Variants in VWA5B1 observed in about 807,000 individuals in gnomAD.
VWA5B1 encodes von Willebrand factor A domain containing 5B1, also known as von Willebrand factor A domain-containing protein 5B1.
A neutral mutation model predicts 118.2 loss-of-function variants in VWA5B1; 115 were observed. The ratio of observed to expected loss-of-function variants is 0.97; its 90% CI spans 0.84 to 1.14. The LOEUF (loss-of-function observed/expected upper bound fraction) is 1.14. Ranked by LOEUF, VWA5B1 falls within the 50% of genes most tolerant of loss-of-function variation. The probability of loss-of-function intolerance (pLI) is 0.00; values close to 1 mark genes in which losing one functional copy is unlikely to be tolerated. For missense variants in VWA5B1, 1,596 were observed against 1,603.8 expected (o/e 1.00, Z 0.08); for synonymous variants, 682 against 658.4 (o/e 1.04, Z -0.55).
chr1:20,338,225 G>A (rs193125132), intron 14 of VWA5B1: 7 of 389,240 alleles, frequency 1.8e-5, no homozygotes, highest in African/African-American at 1.2e-4. Flanking sequence ...TCAGAGGATT[G>A]TAACCTGTCT....
At chr1:20,310,848 C>T (rs2088828252) in intron 2 of VWA5B1, 108 bp downstream of exon 2, 21 of 1,367,484 alleles carry the variant, frequency 1.5e-5, no homozygotes, top group South Asian at 3.2e-5. Flanking sequence ...GCCACCCCTC[C>T]GAGTCTGTTT....
chr1:20,299,782 G>T (rs1242582299), intron 1 of VWA5B1, among the ~76,000 whole-genome samples: 1 of 152,178 alleles, frequency 6.6e-6, no homozygotes, highest in Non-Finnish European at 1.5e-5. Flanking sequence ...GACAGCCAGG[G>T]TACTGATCTA....
At chr1:20,293,432 A>G (rs960619320) in intron 1 of VWA5B1, among the ~76,000 whole-genome samples, 4 of 152,228 alleles carry the variant, frequency 2.6e-5, no homozygotes, top group African/African-American at 9.6e-5. Context: ...CCTCCAGGCC[A>G]CTGGCCTGGG....
Position 20,348,288 on chromosome 1 carries a change from G to A in VWA5B1, c.2808G>A (p.Gln936=). 1 of 1,551,712 alleles carries A rather than the reference G, an allele frequency of 6.4e-7. No homozygotes were observed. The highest frequency in any genetic ancestry group is 1.2e-5 in the South Asian group (1 of 84,068). Residue 936 remains glutamine, a synonymous_variant, in exon 18 of 22, where the codon CAG becomes CAA. Coordinates refer to ENST00000289815, the MANE Select transcript of VWA5B1 (RefSeq NM_001039500.3). ...RMLGSRALAQ[Q]WRGTSSGFGR... Reference sequence around the variant, plus strand: ...TTGGCTCTCGGGCCCTGGCCCAACAGTGGAGGGGCACCTCTTCTGGCTTTG... The same window carrying A: ...TTGGCTCTCGGGCCCTGGCCCAACAATGGAGGGGCACCTCTTCTGGCTTTG...
chr1:20,317,728 G>T, intron 5 of VWA5B1, 53 bp downstream of exon 5: 1 of 1,516,912 alleles, frequency 6.6e-7, no homozygotes. Context: ...AAAAGCCAAA[G>T]GCTGCCAGGG....
intron 7 of VWA5B1, among the ~76,000 whole-genome samples, chr1:20,319,832 C>G (rs994027129): frequency 5.3e-5 from 8 of 152,196 alleles, no homozygotes; most frequent in Non-Finnish European, 1.2e-4. Context: ...CAGGGGTGCC[C>G]AGGACCCTTC....
intron 8 of VWA5B1, among the ~76,000 whole-genome samples, chr1:20,325,305 T>C (rs955891298): frequency 3.9e-5 from 6 of 152,238 alleles, no homozygotes; most frequent in Non-Finnish European, 8.8e-5. Context: ...CAGGGTCAAT[T>C]CTGCCACCGA....
chr1:20,315,790 G>A (rs1009071616), intron 4 of VWA5B1, among the ~76,000 whole-genome samples: 1 of 152,206 alleles, frequency 6.6e-6, no homozygotes, highest in African/African-American at 2.4e-5. Flanking sequence ...GAACGTGCAG[G>A]GCCTTGAAGG....
chr1:20,309,229 A>G (rs11809335), intron 1 of VWA5B1, among the ~76,000 whole-genome samples: 41,454 of 152,140 alleles, frequency 0.27, 7,895 homozygotes, highest in African/African-American at 0.54. Flanking sequence ...GATGTGGCCC[A>G]TGCCCACGTG....
chr1:20,294,671 G>A (rs916098865), intron 1 of VWA5B1, among the ~76,000 whole-genome samples: 4 of 151,504 alleles, frequency 2.6e-5, no homozygotes, highest in Admixed American at 2.0e-4. Context: ...TAGAGACGGG[G>A]TTTCTCCATG....
chr1:20,330,714 C>T (rs1230735773), intron 10 of VWA5B1, among the ~76,000 whole-genome samples, 155 bp from the exon 11 acceptor site: 1 of 152,186 alleles, frequency 6.6e-6, no homozygotes, highest in South Asian at 2.1e-4. Context: ...TATGTGGGTA[C>T]CCCCGATGGC....
intron 1 of VWA5B1, among the ~76,000 whole-genome samples, chr1:20,308,459 G>A (rs932796260): frequency 1.3e-5 from 2 of 152,174 alleles, no homozygotes; most frequent in Non-Finnish European, 2.9e-5. Flanking sequence ...TTCCAGACAG[G>A]AGCGAACCAG....
At chr1:20,350,815 G>T (rs1028859825) in intron 19 of VWA5B1, 42 bp from the exon 20 acceptor site, 6 of 1,542,642 alleles carry the variant, frequency 3.9e-6, no homozygotes, top group Non-Finnish European at 5.3e-6. Context: ...GTTGGACGGG[G>T]TCATCTTCAG....
At position 20,352,086 on chromosome 1, in the gene VWA5B1, C is replaced by T. The variant is rs374962575; in HGVS notation, c.3055C>T (p.Arg1019Ter). The change falls in exon 21 of 22, where the codon CGA becomes TGA. Residue 1019 changes from arginine to a stop codon, truncating the protein, a stop_gained. Coordinates refer to ENST00000289815, the MANE Select transcript of VWA5B1 (RefSeq NM_001039500.3). LOFTEE classifies it high-confidence loss of function. ...LNLNKSRLLT[R>*]AAKGFLSKPL... ...TCTCAACAAGTCCAGGCTACTGACG[C>T]GAGCAGCCAAGGGCTTCCTGAGCAA... The T allele has an allele frequency of 3.0e-5, 47 of 1,551,296 alleles. No homozygotes were observed. The highest frequency in any genetic ancestry group is 9.8e-5 in the Admixed American group (5 of 50,996).
intron 17 of VWA5B1, among the ~76,000 whole-genome samples, chr1:20,347,047 T>C (rs1465077216): frequency 6.6e-6 from 1 of 152,146 alleles, no homozygotes; most frequent in Non-Finnish European, 1.5e-5. Context: ...GCCTAGGAAG[T>C]TAGGGACCTG....
intron 12 of VWA5B1, 121 bp from the exon 13 acceptor site, chr1:20,336,182 G>C (rs1358058161): frequency 1.2e-6 from 1 of 843,880 alleles, no homozygotes; most frequent in Non-Finnish European, 1.6e-6. Flanking sequence ...AAGCTTTCCT[G>C]TTGAGCTGTT....
chr1:20,310,523 G>A (rs1266839814), intron 1 of VWA5B1, 53 bp from the exon 2 acceptor site: 8 of 1,427,058 alleles, frequency 5.6e-6, no homozygotes, highest in Non-Finnish European at 7.4e-6. Context: ...AAACTAGGTT[G>A]AGGGGACCTG....
chr1:20,345,614 G>T lies in VWA5B1; in HGVS notation c.2764+21G>T, dbSNP rs1432362170. The T allele has an allele frequency of 2.0e-6, 3 of 1,528,442 alleles. No homozygotes were observed. The African/African-American group carries it at 4.1e-5, about 21-fold the overall frequency. The allele number at this position is 1,528,442 out of a possible 1,614,324, so 94.7% of individuals were successfully genotyped here. ...CTCTGGTAAGGCAGGCGAGCGGCCG[G>T]GGGCACTCCTGGGGGCCAAGCAGCC... is the stretch of plus-strand genomic sequence containing the variant. On this transcript the variant is annotated intron_variant, in intron 17 of 21. Coordinates refer to ENST00000289815, the MANE Select transcript of VWA5B1 (RefSeq NM_001039500.3).
intron 8 of VWA5B1, among the ~76,000 whole-genome samples, chr1:20,327,303 G>A (rs2089415517): frequency 6.6e-6 from 1 of 152,148 alleles, no homozygotes; most frequent in African/African-American, 2.4e-5. Flanking sequence ...AAGGGTTATG[G>A]TGAAGATCAG....
Sources: allele counts gnomAD v4.1 joint callset (sites outside exome capture counted in the v4.1 genomes callset), GRCh38; gene constraint gnomAD v4.1.1; transcripts MANE v1.5; gene names NCBI Gene and HGNC (gene_info 2026-07-23, HGNC 2026-07-21).